The following ARHGAP20 variants were observed in gnomAD, a reference collection of about 807,000 sequenced individuals.
ARHGAP20 encodes Rho GTPase activating protein 20, also known as rho GTPase-activating protein 20.
In ARHGAP20, 34 loss-of-function variants were observed where a neutral mutation model predicts 73.7. The ratio of observed to expected loss-of-function variants is 0.46; its 90% CI spans 0.35 to 0.61. The LOEUF is 0.61. ARHGAP20 is among the 20% of genes least tolerant of loss of function. The pLI, the probability that ARHGAP20 is intolerant of heterozygous loss-of-function variation, is 0.00. For synonymous variants in ARHGAP20, 523 were observed against 518.2 expected (o/e 1.01, Z -0.13); for missense variants, 1,314 against 1,420.9 (o/e 0.92, Z 1.21).
chr11:110,586,291 GA>G lies in ARHGAP20; in HGVS notation c.1339del (p.Ser447HisfsTer11). ...FLRNIPGSIF[S>X]SDLYDHWVSV... ...GACCCAGTGATCATAGAGATCTGAT[GA>G]AAAAATACTTCCTGGAATATTTCGC... On this transcript the variant is annotated frameshift_variant, in exon 12 of 15. Coordinates refer to ENST00000683387, the MANE Select transcript of ARHGAP20 (RefSeq NM_001384657.1). LOFTEE classifies it high-confidence loss of function. 2.5e-6 allele frequency: 4 copies of G among 1,574,954 alleles called. No homozygotes were observed. The highest frequency in any genetic ancestry group is 1.8e-5 in the Admixed American group (1 of 54,892).
At chr11:110,591,898 TGGGGA>T in intron 10 of ARHGAP20, 74 bp downstream of exon 10, 1 of 1,445,988 alleles carries the variant, frequency 6.9e-7, no homozygotes, top group African/African-American at 1.4e-5. Flanking sequence ...TTTTTCCATT[TGGGGA>T]CAGATTTACC....
At chr11:110,583,795 C>T in intron 12 of ARHGAP20, 58 bp from the exon 13 acceptor site, 1 of 1,365,794 alleles carries the variant, frequency 7.3e-7, no homozygotes, top group Non-Finnish European at 9.8e-7. Context: ...CTTGTAAAGA[C>T]AAGCAACTCT....
intron 9 of ARHGAP20, among the ~76,000 whole-genome samples, chr11:110,606,012 G>T (rs1948218535): frequency 6.6e-6 from 1 of 152,166 alleles, no homozygotes; most frequent in African/African-American, 2.4e-5. Flanking sequence ...TTATATTGAA[G>T]ATCACTTTTA....
intron 1 of ARHGAP20, among the ~76,000 whole-genome samples, chr11:110,691,503 G>C (rs917126323): frequency 3.3e-5 from 5 of 152,086 alleles, no homozygotes; most frequent in African/African-American, 1.2e-4. Flanking sequence ...CTACCTCTAG[G>C]CCAGTCATGC....
In ARHGAP20 at chr11:110,579,324, T is replaced by G; in HGVS notation, c.*46A>C. 6.6e-7 allele frequency: 1 copy of G among 1,523,636 alleles called. No individual in the cohort carries two copies. Among genetic ancestry groups the G allele is most frequent in the Non-Finnish European group, 8.8e-7 (1 of 1,133,926 alleles). The allele number at this position is 1,523,636 out of a possible 1,614,324, so 94.4% of individuals were successfully genotyped here. A position where few individuals can be genotyped will look rare whatever the true frequency, so the allele number is the denominator to read the frequency against. On this transcript the variant is annotated 3_prime_UTR_variant, in exon 15 of 15. Transcript: ENST00000683387. ...GGTCATAATAATTATTGTCTATTAT[T>G]ATTAACCCAGTTCCTGTTCTTGTGG...
At chr11:110,660,068 A>AAAAAAAACAAAC (rs1555097615) in intron 2 of ARHGAP20, among the ~76,000 whole-genome samples, 1,785 of 150,940 alleles carry the variant, frequency 0.012, 47 homozygotes, top group African/African-American at 0.041. Context: ...AAACAAAAAA[A>AAAAAAAACAAAC]AAAAAAAAAA....
chr11:110,589,800 G>T, intron 11 of ARHGAP20: 1 of 781,956 alleles, frequency 1.3e-6, no homozygotes, highest in Non-Finnish European at 1.6e-6. Flanking sequence ...CTTAGATGCT[G>T]AAGTCATTCT....
intron 13 of ARHGAP20, 28 bp from the exon 14 acceptor site, chr11:110,582,463 T>C: frequency 7.3e-7 from 1 of 1,366,806 alleles, no homozygotes; most frequent in Non-Finnish European, 1.0e-6. Flanking sequence ...AACGAAGTAT[T>C]ACTTTTCATA....
chr11:110,655,027 T>C (rs182035716), intron 2 of ARHGAP20, among the ~76,000 whole-genome samples: 1 of 152,296 alleles, frequency 6.6e-6, no homozygotes, highest in African/African-American at 2.4e-5. Flanking sequence ...TAGTATTCCA[T>C]AAAAACAGAT....
intron 2 of ARHGAP20, among the ~76,000 whole-genome samples, chr11:110,648,484 ATTT>A (rs34339794): frequency 4.6e-5 from 6 of 131,462 alleles, no homozygotes; most frequent in Admixed American, 8.0e-5. Flanking sequence ...CATAACATGA[ATTT>A]TTTTTTTTTT....
chr11:110,589,296 C>T, intron 11 of ARHGAP20: 2 of 629,038 alleles, frequency 3.2e-6, no homozygotes, highest in Non-Finnish European at 4.0e-6. Flanking sequence ...TTAGCTTCAA[C>T]CCTCCAGTTC....
intron 1 of ARHGAP20, among the ~76,000 whole-genome samples, chr11:110,710,142 T>C (rs1036402598): frequency 6.6e-6 from 1 of 152,204 alleles, no homozygotes; most frequent in Non-Finnish European, 1.5e-5. Context: ...TATAGGGATG[T>C]TGCAAACAGT....
intron 4 of ARHGAP20, among the ~76,000 whole-genome samples, chr11:110,623,717 A>G (rs1482816850): frequency 6.6e-6 from 1 of 152,242 alleles, no homozygotes; most frequent in Middle Eastern, 3.2e-3. Flanking sequence ...CAGTGGTTTG[A>G]AAAGACTGAT....
intron 3 of ARHGAP20, 96 bp downstream of exon 3, chr11:110,630,532 C>A: frequency 7.8e-7 from 1 of 1,281,396 alleles, no homozygotes; most frequent in Non-Finnish European, 1.1e-6. Context: ...GTAACAAAGG[C>A]AAGACATTCT....
chr11:110,613,346 A>C (rs1948411382), intron 6 of ARHGAP20, among the ~76,000 whole-genome samples: 1 of 152,226 alleles, frequency 6.6e-6, no homozygotes, highest in East Asian at 1.9e-4. Flanking sequence ...TATTTGGGGG[A>C]ATCACTCTGG....
intron 1 of ARHGAP20, among the ~76,000 whole-genome samples, chr11:110,710,757 C>T (rs1950633894): frequency 6.6e-6 from 1 of 152,184 alleles, no homozygotes; most frequent in East Asian, 1.9e-4. Flanking sequence ...TCCTTGGGAA[C>T]TCCCACACAT....
intron 9 of ARHGAP20, 68 bp downstream of exon 9, chr11:110,606,493 G>A: frequency 2.7e-6 from 4 of 1,483,682 alleles, no homozygotes; most frequent in Non-Finnish European, 3.6e-6. Context: ...TCTGGCGGGA[G>A]GTTTGAGTCT....
chr11:110,648,628 G>T (rs753567378), intron 2 of ARHGAP20, among the ~76,000 whole-genome samples: 1 of 151,734 alleles, frequency 6.6e-6, no homozygotes, highest in East Asian at 1.9e-4. Context: ...GGGATTACAG[G>T]TGTGCACCAC....
intron 1 of ARHGAP20, among the ~76,000 whole-genome samples, chr11:110,703,496 TATTCATTCATATATATGG>T (rs1409685966): frequency 3.3e-5 from 5 of 152,062 alleles, no homozygotes; most frequent in African/African-American, 9.7e-5. Context: ...CATTCATATA[TATTCATTCATATATATGG>T]ATTCATTCAT....
Sources: gnomAD v4.1 joint callset for allele counts (sites outside exome capture counted in the v4.1 genomes callset) on GRCh38, gnomAD v4.1.1 for gene constraint, MANE v1.5 for transcripts, NCBI Gene and HGNC (gene_info 2026-07-23, HGNC 2026-07-21) for gene names.